EHBP1: variants seen among roughly 807,000 people sequenced by gnomAD.
EHBP1 encodes EH domain binding protein 1.
Under a neutral mutation model 144.0 loss-of-function variants are expected in EHBP1, and 55 were observed. The ratio of observed to expected loss-of-function variants is 0.38; its 90% CI spans 0.31 to 0.48. The LOEUF is 0.48. Among genes scored for constraint, EHBP1 ranks in the 20% least tolerant of loss-of-function variants. The pLI, the probability that EHBP1 is intolerant of heterozygous loss-of-function variation, is 0.98. For synonymous variants in EHBP1, 469 were observed against 472.7 expected, an observed-to-expected ratio of 0.99 and a Z score of 0.10; for missense variants, 1,200 against 1,364.2, an observed-to-expected ratio of 0.88 and a Z score of 1.90.
At chr2:62,783,030 T>A (rs2042552463) in intron 5 of EHBP1, among the ~76,000 whole-genome samples, 1 of 152,186 alleles carries the variant, frequency 6.6e-6, no homozygotes, top group South Asian at 2.1e-4. Flanking sequence ...AATACACCCA[T>A]TCCTAATGGG....
At chr2:62,859,428 C>T in intron 8 of EHBP1, 137 bp downstream of exon 8, 1 of 804,216 alleles carries the variant, frequency 1.2e-6, no homozygotes. Flanking sequence ...GTGTTCAATA[C>T]CACTTGGAGT....
chr2:62,796,523 A>T (rs1301642556), intron 5 of EHBP1, among the ~76,000 whole-genome samples: 1 of 152,204 alleles, frequency 6.6e-6, no homozygotes, highest in Non-Finnish European at 1.5e-5. Flanking sequence ...AGAATGCAAG[A>T]AATACACTCT....
chr2:63,034,280 T>C (rs2061373883), intron 19 of EHBP1, among the ~76,000 whole-genome samples: 1 of 152,094 alleles, frequency 6.6e-6, no homozygotes, highest in Non-Finnish European at 1.5e-5. Flanking sequence ...TTAGTAATTG[T>C]ATACTGTAGT....
intron 10 of EHBP1, among the ~76,000 whole-genome samples, chr2:62,939,519 C>T (rs763830551): frequency 7.9e-5 from 12 of 152,116 alleles, no homozygotes; most frequent in Non-Finnish European, 1.5e-4. Flanking sequence ...ATGATCTGCC[C>T]GCCTCAGCCT....
In EHBP1 at chr2:63,045,335, CG is replaced by C. The variant is rs368900071; in HGVS notation, c.3393-70del. ...CGCTGGGGATCCAAATACTGGGCGA[CG>C]GGGGAGTGCTGCTCTGCCCTCCACG... On this transcript the variant is annotated intron_variant, in intron 22 of 22. Coordinates refer to ENST00000431489, the MANE Select transcript of EHBP1 (RefSeq NM_001142616.3). This position sits in a 1 kb window ranked among gnomAD's most constrained non-coding sequence, Gnocchi z 5.7. The C allele has an allele frequency of 1.2e-5, 17 of 1,459,466 alleles. No homozygotes were observed. The African/African-American group carries it at 1.7e-4, about 14-fold the overall frequency. 90.4% of individuals were successfully genotyped at this position (1,459,466 alleles called of 1,614,324 possible).
intron 14 of EHBP1, among the ~76,000 whole-genome samples, chr2:62,977,282 T>C (rs901242311): frequency 1.3e-5 from 2 of 151,976 alleles, no homozygotes; most frequent in Admixed American, 1.3e-4. Context: ...TTAAAGTATC[T>C]CCTCAAATTT....
At chr2:62,985,865 A>G (rs1399917051) in intron 15 of EHBP1, among the ~76,000 whole-genome samples, 2 of 152,150 alleles carry the variant, frequency 1.3e-5, no homozygotes, top group East Asian at 3.8e-4. Flanking sequence ...AGTAACCCCC[A>G]CCATACATGG....
chr2:62,948,092 C>G (rs899467357), intron 12 of EHBP1, among the ~76,000 whole-genome samples, 168 bp from the exon 13 acceptor site: 2 of 151,874 alleles, frequency 1.3e-5, no homozygotes, highest in Non-Finnish European at 2.9e-5. Context: ...TTTCTCTTGC[C>G]TCTCCCCCCA....
intron 3 of EHBP1, among the ~76,000 whole-genome samples, chr2:62,759,955 C>A (rs767092142): frequency 6.6e-6 from 1 of 152,038 alleles, no homozygotes; most frequent in Non-Finnish European, 1.5e-5. Flanking sequence ...GTGAAACTTA[C>A]TGATCCTCTG....
At chr2:62,976,278 C>A (rs913825262) in intron 14 of EHBP1, among the ~76,000 whole-genome samples, 17 of 152,126 alleles carry the variant, frequency 1.1e-4, no homozygotes, top group African/African-American at 4.1e-4. Context: ...TCCACATTAA[C>A]CTACCCCCAT....
At chr2:62,969,211 C>G (rs1286066578) in intron 14 of EHBP1, among the ~76,000 whole-genome samples, 2 of 151,914 alleles carry the variant, frequency 1.3e-5, no homozygotes, top group South Asian at 4.2e-4. Context: ...AATATAGTAC[C>G]TACTAGGAAT....
rs192665392 is a variant in EHBP1, at chr2:62,694,575, C to T, written c.-295-12322C>T. Reference sequence around the variant, plus strand: ...AACAACTGTGGAGAAACTCTTACTGCCTTTTAAAATGTCACAAACATATCC... The same window carrying T: ...AACAACTGTGGAGAAACTCTTACTGTCTTTTAAAATGTCACAAACATATCC... On this transcript the variant is annotated intron_variant, in intron 1 of 22. Coordinates refer to the EHBP1 transcript ENST00000405015. Among the ~76,000 whole-genome samples the T allele has an allele frequency of 2.3e-3, 354 of 151,900 alleles. 3 individuals are homozygous for T. Among genetic ancestry groups the T allele is most frequent in the Middle Eastern group, 0.017 (5 of 294 alleles).
At chr2:62,831,295 A>G (rs2046809575) in intron 7 of EHBP1, 137 bp downstream of exon 7, 5 of 787,182 alleles carry the variant, frequency 6.4e-6, no homozygotes, top group Non-Finnish European at 9.7e-6. Context: ...AATAAAATAT[A>G]CCATTTAGTT....
intron 14 of EHBP1, among the ~76,000 whole-genome samples, chr2:62,957,279 A>T (rs1486665175): frequency 6.6e-6 from 1 of 152,222 alleles, no homozygotes; most frequent in Admixed American, 6.5e-5. Context: ...AAATATCAAC[A>T]TCCATTCATG....
intron 19 of EHBP1, among the ~76,000 whole-genome samples, chr2:63,026,309 TGTGTG>T (rs2060974718): frequency 6.7e-6 from 1 of 149,232 alleles, no homozygotes; most frequent in Non-Finnish European, 1.5e-5. Context: ...TGTGTGTGTG[TGTGTG>T]TGTGTGTGTG....
At chr2:62,871,856 A>G (rs992271136) in intron 9 of EHBP1, among the ~76,000 whole-genome samples, 14 of 152,182 alleles carry the variant, frequency 9.2e-5, no homozygotes, top group African/African-American at 3.1e-4. Context: ...TTTCTCAGTT[A>G]CTTATGTTTG....
chr2:62,814,453 A>G (rs371465301), intron 5 of EHBP1, among the ~76,000 whole-genome samples: 1 of 152,236 alleles, frequency 6.6e-6, no homozygotes, highest in African/African-American at 2.4e-5. Context: ...AGTAGCACAA[A>G]ATAGATTAAC....
intron 19 of EHBP1, among the ~76,000 whole-genome samples, chr2:63,017,497 A>G (rs1290670918): frequency 1.3e-5 from 2 of 152,234 alleles, no homozygotes; most frequent in African/African-American, 4.8e-5. Context: ...TAAATTAGAT[A>G]CTTTATATCA....
At chr2:62,864,664 A>T in intron 8 of EHBP1, 67 bp from the exon 9 acceptor site, 2 of 1,471,694 alleles carry the variant, frequency 1.4e-6, no homozygotes, top group Non-Finnish European at 1.8e-6. Flanking sequence ...ATTTGAGAAC[A>T]CTAAACAATA....
Sources: allele counts gnomAD v4.1 joint callset (sites outside exome capture counted in the v4.1 genomes callset), GRCh38; gene constraint gnomAD v4.1.1; non-coding constraint Gnocchi (gnomAD v3.1); transcripts MANE v1.5; gene names NCBI Gene and HGNC (gene_info 2026-07-23, HGNC 2026-07-21).